The following ZMAT4 variants were observed in gnomAD, a reference collection of about 807,000 sequenced individuals.
The protein encoded by ZMAT4 is zinc finger matrin-type protein 4.
Under a neutral mutation model 28.7 loss-of-function variants are expected in ZMAT4, and 17 were observed. That is an observed-to-expected ratio of 0.59 (90% CI 0.41 to 0.89). The LOEUF (loss-of-function observed/expected upper bound fraction) is 0.89, where lower values mean the gene tolerates loss of function less well. Ranked by LOEUF, ZMAT4 falls within the 40% of genes least tolerant of loss-of-function variation. ZMAT4 has a pLI of 0.00. For synonymous variants in ZMAT4, 117 were observed against 109.2 expected, an observed-to-expected ratio of 1.07 and a Z score of -0.44; for missense variants, 240 against 283.8, an observed-to-expected ratio of 0.85 and a Z score of 1.11.
In ZMAT4 at chr8:40,772,138, C is replaced by T. The variant is rs28526014; in HGVS notation, c.103-4408G>A. On this transcript the variant is annotated intron_variant, in intron 2 of 6. Coordinates refer to ENST00000297737, the MANE Select transcript of ZMAT4 (RefSeq NM_024645.3). Reference sequence around the variant, plus strand: ...TTTGCATTAATATTTGCATTTTGAGCAAAACTCATTTATTTCATTCAAACC... The same window carrying T: ...TTTGCATTAATATTTGCATTTTGAGTAAAACTCATTTATTTCATTCAAACC... Among the ~76,000 whole-genome samples, 1,106 of 152,266 alleles carry T rather than the reference C, an allele frequency of 7.3e-3. 12 individuals carry two copies. The highest frequency in any genetic ancestry group is 0.023 in the African/African-American group (963 of 41,556).
chr8:40,788,212 A>G (rs1351979660), intron 2 of ZMAT4, among the ~76,000 whole-genome samples: 1 of 152,208 alleles, frequency 6.6e-6, no homozygotes, highest in African/African-American at 2.4e-5. Flanking sequence ...ATCAGGTAAT[A>G]TTATAAATGA....
chr8:40,624,571 T>G (rs1806305606), intron 5 of ZMAT4, among the ~76,000 whole-genome samples: 1 of 152,228 alleles, frequency 6.6e-6, no homozygotes, highest in African/African-American at 2.4e-5. Flanking sequence ...GTCTGACACA[T>G]CTTTAATCTT....
intron 2 of ZMAT4, among the ~76,000 whole-genome samples, chr8:40,768,586 C>T (rs1813257903): frequency 2.0e-5 from 3 of 152,142 alleles, no homozygotes; most frequent in Admixed American, 6.5e-5. Flanking sequence ...TCCAGCTCTA[C>T]CACTTCCTAG....
intron 6 of ZMAT4, among the ~76,000 whole-genome samples, chr8:40,578,533 T>C (rs1172281010): frequency 6.6e-6 from 1 of 151,472 alleles, no homozygotes; most frequent in Non-Finnish European, 1.5e-5. Flanking sequence ...TACAACTTAC[T>C]AAAAAAAAAT....
rs961575796 is a variant in ZMAT4, at chr8:40,660,275, A to G, written c.577+14429T>C. ...ACCACCAGCTGCAATATTTGTAAAG[A>G]AATCTTTAGTTGTGTATTTTTAAGT... On this transcript the variant is annotated intron_variant, in intron 5 of 6. Transcript: ENST00000297737. Among the ~76,000 whole-genome samples the G allele has an allele frequency of 2.6e-5, 4 of 152,332 alleles. No homozygotes were observed. The South Asian group carries it at 8.3e-4, about 32-fold the overall frequency.
chr8:40,594,128 G>T (rs959125330), intron 5 of ZMAT4, among the ~76,000 whole-genome samples: 30 of 152,036 alleles, frequency 2.0e-4, no homozygotes, highest in Non-Finnish European at 1.0e-4. Context: ...TTTCCCCTCC[G>T]CCAGCCTGAC....
chr8:40,809,488 TA>T (rs1432021053), intron 2 of ZMAT4, among the ~76,000 whole-genome samples: 3 of 151,994 alleles, frequency 2.0e-5, no homozygotes, highest in African/African-American at 7.2e-5. Flanking sequence ...ATATTATTTA[TA>T]AAAAAAGAAA....
chr8:40,804,224 A>T (rs1235966313), intron 2 of ZMAT4, among the ~76,000 whole-genome samples: 1 of 152,218 alleles, frequency 6.6e-6, no homozygotes, highest in Non-Finnish European at 1.5e-5. Context: ...CCTGAGGTAA[A>T]CTATGGACTC....
chr8:40,713,739 C>T (rs1398842716), intron 3 of ZMAT4, among the ~76,000 whole-genome samples: 2 of 151,204 alleles, frequency 1.3e-5, no homozygotes, highest in South Asian at 2.1e-4. Flanking sequence ...TGAAACCCGG[C>T]GTCTACTAAA....
intron 5 of ZMAT4, among the ~76,000 whole-genome samples, chr8:40,659,295 G>C (rs1808078546): frequency 6.6e-6 from 1 of 152,182 alleles, no homozygotes; most frequent in African/African-American, 2.4e-5. Context: ...AAATTTAGTA[G>C]ACATTGCCCC....
chr8:40,674,792 A>G lies in ZMAT4; in HGVS notation c.489T>C (p.His163=). 1 of 1,613,926 alleles carries G rather than the reference A, an allele frequency of 6.2e-7. No homozygotes were observed. The highest frequency in any genetic ancestry group is 8.5e-7 in the Non-Finnish European group (1 of 1,179,922). ...TCTTTTTGTGTTTCTTGCCATCATA[A>G]TGTTGCTGGGCCATCAGAGGGTTAT... is the stretch of plus-strand genomic sequence containing the variant. ...WFNNPLMAQQ[H]YDGKKHKKNA... is the part of the protein sequence containing the mutation. Residue 163 remains histidine, a synonymous_variant, in exon 5 of 7, where the codon CAT becomes CAC. Coordinates refer to ENST00000297737, the MANE Select transcript of ZMAT4 (RefSeq NM_024645.3).
intron 4 of ZMAT4, among the ~76,000 whole-genome samples, chr8:40,675,815 T>C (rs989416268): frequency 2.4e-4 from 36 of 152,184 alleles, no homozygotes; most frequent in African/African-American, 7.7e-4. Context: ...CCTGCTCACG[T>C]TGATGCTGAA....
chr8:40,802,280 T>C (rs930112721), intron 2 of ZMAT4, among the ~76,000 whole-genome samples: 6 of 152,080 alleles, frequency 3.9e-5, no homozygotes, highest in Non-Finnish European at 8.8e-5. Context: ...AAGAAAGAAA[T>C]AAAACTATCC....
At chr8:40,574,057 C>A (rs1489387716) in intron 6 of ZMAT4, among the ~76,000 whole-genome samples, 1 of 152,110 alleles carries the variant, frequency 6.6e-6, no homozygotes, top group Admixed American at 6.6e-5. Flanking sequence ...GGTCAGATTG[C>A]AATAGTTAAG....
At chr8:40,881,482 AG>A (rs1464844350) in intron 1 of ZMAT4, among the ~76,000 whole-genome samples, 15 of 145,024 alleles carry the variant, frequency 1.0e-4, no homozygotes, top group African/African-American at 3.8e-4. Flanking sequence ...AAAGAAAGAA[AG>A]AAAGAAAGAA....
At position 40,842,944 on chromosome 8, in the gene ZMAT4, T is replaced by C. The variant is rs1816754203; in HGVS notation, c.-4-17264A>G. ...GTGCCCACCACCATGCCTGGCTAAT[T>C]TTTTGTATTTTTAGTAGAGATGGGG... On this transcript the variant is annotated intron_variant, in intron 1 of 6. Transcript: ENST00000297737. 2.0e-5 allele frequency among the ~76,000 whole-genome samples: 3 copies of C among 152,104 alleles called. No individual in the cohort carries two copies. The South Asian group carries it at 6.2e-4, about 32-fold the overall frequency.
chr8:40,660,555 G>A (rs951800427), intron 5 of ZMAT4, among the ~76,000 whole-genome samples: 1 of 152,130 alleles, frequency 6.6e-6, no homozygotes, highest in Non-Finnish European at 1.5e-5. Context: ...CAAATGAAGA[G>A]CTCTTTCTCT....
At chr8:40,568,565 C>G (rs1803995641) in intron 6 of ZMAT4, among the ~76,000 whole-genome samples, 1 of 152,104 alleles carries the variant, frequency 6.6e-6, no homozygotes, top group Admixed American at 6.5e-5. Context: ...GAGGGTTACA[C>G]CTCAACATTC....
intron 5 of ZMAT4, among the ~76,000 whole-genome samples, chr8:40,590,775 C>T (rs1387936412): frequency 1.3e-5 from 2 of 151,912 alleles, no homozygotes; most frequent in Non-Finnish European, 2.9e-5. Flanking sequence ...AACCTGCTAT[C>T]AATCAATTCC....
Sources: gnomAD v4.1 joint callset for allele counts (sites outside exome capture counted in the v4.1 genomes callset) on GRCh38, gnomAD v4.1.1 for gene constraint, MANE v1.5 for transcripts, NCBI Gene and HGNC (gene_info 2026-07-23, HGNC 2026-07-21) for gene names.